NRCAM: variants seen among roughly 807,000 people sequenced by gnomAD.
NRCAM encodes neuronal cell adhesion molecule, also known as NgCAM-related cell adhesion molecule.
In NRCAM, 83 loss-of-function variants were observed where a neutral mutation model predicts 156.5. That is an observed-to-expected ratio of 0.53 (90% CI 0.44 to 0.64). NRCAM has a LOEUF of 0.64. NRCAM is among the 30% of genes least tolerant of loss of function. The pLI, the probability that NRCAM is intolerant of heterozygous loss-of-function variation, is 0.00. For missense variants in NRCAM, 1,417 were observed against 1,597.3 expected (o/e 0.89, Z 1.92); for synonymous variants, 538 against 563.9 (o/e 0.95, Z 0.65).
chr7:108,262,720 G>A, intron 3 of NRCAM, among the ~76,000 whole-genome samples: 1 of 152,052 alleles, frequency 6.6e-6, no homozygotes, highest in Non-Finnish European at 1.5e-5. Flanking sequence ...TCTGCATTTG[G>A]TCCTTCTCCA....
chr7:108,373,133 T>C (rs2099639866), intron 2 of NRCAM, among the ~76,000 whole-genome samples: 1 of 152,058 alleles, frequency 6.6e-6, no homozygotes, highest in Non-Finnish European at 1.5e-5. Flanking sequence ...TTATAGGAGG[T>C]ATCTAAAATA....
chr7:108,200,799 T>C (rs1461188792), intron 13 of NRCAM, among the ~76,000 whole-genome samples: 1 of 139,544 alleles, frequency 7.2e-6, no homozygotes, highest in Non-Finnish European at 1.5e-5. Flanking sequence ...GAAATACTAC[T>C]CAGCCATACA....
At chr7:108,395,554 A>G (rs547389127) in intron 2 of NRCAM, among the ~76,000 whole-genome samples, 1 of 152,292 alleles carries the variant, frequency 6.6e-6, no homozygotes, top group Middle Eastern at 3.4e-3. Flanking sequence ...AGCCTGTTGG[A>G]ATACTGCCCA....
chr7:108,351,822 T>A (rs1043420657), intron 2 of NRCAM, among the ~76,000 whole-genome samples: 7 of 152,130 alleles, frequency 4.6e-5, no homozygotes, highest in Admixed American at 2.0e-4. Flanking sequence ...AATACACATT[T>A]AACAAAAGAA....
At chr7:108,173,530 A>G (rs1359679050) in intron 28 of NRCAM, among the ~76,000 whole-genome samples, 1 of 152,210 alleles carries the variant, frequency 6.6e-6, no homozygotes, top group African/African-American at 2.4e-5. Context: ...TTTTTAAGGA[A>G]GGAAAACCCA....
intron 2 of NRCAM, among the ~76,000 whole-genome samples, chr7:108,389,983 C>T (rs10953570): frequency 0.89 from 135,045 of 152,196 alleles, 59,996 homozygotes; most frequent in South Asian, 0.93. Flanking sequence ...GATTTTTTCA[C>T]CGACATTCAT....
chr7:108,353,731 C>A (rs1429849526), intron 2 of NRCAM, among the ~76,000 whole-genome samples: 1 of 152,238 alleles, frequency 6.6e-6, no homozygotes, highest in Non-Finnish European at 1.5e-5. Context: ...TCTTAGAACA[C>A]ATGGCAGGTG....
At chr7:108,402,719 C>A (rs955417298) in intron 1 of NRCAM, among the ~76,000 whole-genome samples, 7 of 152,154 alleles carry the variant, frequency 4.6e-5, no homozygotes, top group Admixed American at 2.6e-4. Context: ...CAACCACAGC[C>A]CACTGTTCAG....
chr7:108,368,101 T>C (rs1311720926), intron 2 of NRCAM, among the ~76,000 whole-genome samples: 1 of 152,102 alleles, frequency 6.6e-6, no homozygotes, highest in African/African-American at 2.4e-5. Flanking sequence ...AGGGGGCTAA[T>C]AGGATTGTTA....
At chr7:108,196,485 G>C (rs1277137868) in intron 14 of NRCAM, among the ~76,000 whole-genome samples, 2 of 152,158 alleles carry the variant, frequency 1.3e-5, no homozygotes, top group African/African-American at 2.4e-5. Flanking sequence ...TAATTCAATA[G>C]TAAGAAAATG....
chr7:108,351,188 G>GC (rs1397497263), intron 2 of NRCAM, among the ~76,000 whole-genome samples: 1 of 152,070 alleles, frequency 6.6e-6, no homozygotes, highest in African/African-American at 2.4e-5. Context: ...GATGAGTTTG[G>GC]CCCCCCTCCT....
At chr7:108,230,979 T>C (rs1230124583) in intron 8 of NRCAM, 52 bp downstream of exon 8, 22 of 1,433,696 alleles carry the variant, frequency 1.5e-5, no homozygotes, top group Non-Finnish European at 1.7e-5. Flanking sequence ...ATTATGACTG[T>C]AAACAATCCT....
At chr7:108,341,878 G>C (rs1440970427) in intron 2 of NRCAM, among the ~76,000 whole-genome samples, 1 of 152,160 alleles carries the variant, frequency 6.6e-6, no homozygotes, top group Non-Finnish European at 1.5e-5. Flanking sequence ...TTATCAGTGA[G>C]GCCGTTGTCC....
At chr7:108,403,276 A>C (rs1015556048) in intron 1 of NRCAM, among the ~76,000 whole-genome samples, 3 of 152,154 alleles carry the variant, frequency 2.0e-5, no homozygotes, top group African/African-American at 7.2e-5. Context: ...CATTATCCCA[A>C]CCTGCTAAAA....
At chr7:108,404,752 C>T (rs1361883579) in intron 1 of NRCAM, among the ~76,000 whole-genome samples, 1 of 152,138 alleles carries the variant, frequency 6.6e-6, no homozygotes, top group Non-Finnish European at 1.5e-5. Context: ...AGAAAGAGGA[C>T]TAATGGTCCA....
chr7:108,353,088 CCT>C (rs2099431176), intron 2 of NRCAM, among the ~76,000 whole-genome samples: 1 of 151,420 alleles, frequency 6.6e-6, no homozygotes, highest in Non-Finnish European at 1.5e-5. Context: ...TACAGAAATA[CCT>C]CTCTTCCCAT....
chr7:108,219,816 C>G (rs1460973107), intron 11 of NRCAM, among the ~76,000 whole-genome samples: 2 of 152,178 alleles, frequency 1.3e-5, no homozygotes, highest in Non-Finnish European at 2.9e-5. Flanking sequence ...ACTCTTACCA[C>G]TCCTCTTCAA....
At chr7:108,429,709 C>T (rs1490907041) in intron 1 of NRCAM, among the ~76,000 whole-genome samples, 1 of 152,192 alleles carries the variant, frequency 6.6e-6, no homozygotes, top group African/African-American at 2.4e-5. Flanking sequence ...CTAAGGTGTA[C>T]TGGCTACTAT....
intron 3 of NRCAM, among the ~76,000 whole-genome samples, chr7:108,278,628 C>A (rs1243309779): frequency 6.6e-6 from 1 of 152,204 alleles, no homozygotes; most frequent in African/African-American, 2.4e-5. Context: ...AGTATTTGGG[C>A]AGGAGCATAC....
Sources: allele counts gnomAD v4.1 joint callset (sites outside exome capture counted in the v4.1 genomes callset), GRCh38; gene constraint gnomAD v4.1.1; transcripts MANE v1.5; gene names NCBI Gene and HGNC (gene_info 2026-07-23, HGNC 2026-07-21).